GCM2: variants seen among roughly 807,000 people sequenced by gnomAD.
The protein encoded by GCM2 is chorion-specific transcription factor GCMb.
GCM2 carries 21 observed loss-of-function variants against 24.8 expected under a neutral mutation model. The observed-to-expected ratio is 0.85, with a 90% CI of 0.60 to 1.22. GCM2 has a LOEUF of 1.22. Among genes scored for constraint, GCM2 ranks in the 50% most tolerant of loss-of-function variants. GCM2 has a pLI of 0.00. For missense variants in GCM2, 532 were observed against 645.6 expected (o/e 0.82, Z 1.91); for synonymous variants, 222 against 238.0 (o/e 0.93, Z 0.62).
intron 1 of GCM2, among the ~76,000 whole-genome samples, chr6:10,880,652 C>T (rs1450995561): frequency 1.3e-5 from 2 of 152,190 alleles, no homozygotes; most frequent in African/African-American, 2.4e-5. Flanking sequence ...CTTCATCCAC[C>T]CCAGTCATTC....
chr6:10,876,697 AGGC>A (rs1779885462), intron 2 of GCM2, 140 bp from the exon 3 acceptor site: 1 of 690,448 alleles, frequency 1.4e-6, no homozygotes. Flanking sequence ...TGGGAGGCCG[AGGC>A]GGGTGGATCA....
In GCM2 at chr6:10,876,447, G is replaced by T; in HGVS notation, c.454C>A (p.Gln152Lys). 6.2e-7 allele frequency: 1 copy of T among 1,602,052 alleles called. No individual in the cohort carries two copies. The highest frequency in any genetic ancestry group is 8.6e-7 in the Non-Finnish European group (1 of 1,168,976). Residue 152 changes from glutamine (Q) to lysine (K), a missense_variant and splice_region_variant, in exon 3 of 5, where the codon CAG becomes AAG. Transcript: ENST00000379491. The part of the protein sequence containing the change: ...WRLDGNAIFF[Q>K]AKGVHDHPRP... ...AATTGTGTTCTCACCTGACCTACCT[G>T]AAAAAAGATCGCGTTGCCATCAAGC...
chr6:10,881,945 T>C lies in GCM2; in HGVS notation c.-152A>G. On this transcript the variant is annotated 5_prime_UTR_variant, in exon 1 of 5. Transcript: ENST00000379491. ...GAGAGAGAGAAAGAGAGAGAGGCTGTTTAGATATCTGGAAGCTGGGGACAA... is the reference window on the plus strand; with the variant it reads ...GAGAGAGAGAAAGAGAGAGAGGCTGCTTAGATATCTGGAAGCTGGGGACAA... 1 of 693,740 alleles carries C rather than the reference T, an allele frequency of 1.4e-6. No homozygotes were observed. The highest frequency in any genetic ancestry group is 1.6e-5 in the South Asian group (1 of 63,330). 43.0% of individuals were successfully genotyped at this position (693,740 alleles called of 1,614,324 possible). A position where few individuals can be genotyped will look rare whatever the true frequency, so the allele number is the denominator to read the frequency against.
chr6:10,875,647 T>C (rs1263157826), intron 4 of GCM2, among the ~76,000 whole-genome samples: 3 of 152,228 alleles, frequency 2.0e-5, no homozygotes, highest in African/African-American at 7.2e-5. Flanking sequence ...GGATGTCAGC[T>C]CAGCACACTG....
chr6:10,878,816 A>G (rs1169401684), intron 1 of GCM2, among the ~76,000 whole-genome samples: 1 of 152,340 alleles, frequency 6.6e-6, no homozygotes, highest in Non-Finnish European at 1.5e-5. Flanking sequence ...AACCTTTCAC[A>G]GTGGCATAGC....
intron 1 of GCM2, among the ~76,000 whole-genome samples, chr6:10,877,973 G>T (rs1417896799): frequency 6.6e-6 from 1 of 152,192 alleles, no homozygotes; most frequent in Non-Finnish European, 1.5e-5. Flanking sequence ...AGTCACATTA[G>T]CAGTGGCACC....
intron 3 of GCM2, 65 bp from the exon 4 acceptor site, chr6:10,876,081 A>C: frequency 6.5e-7 from 1 of 1,535,398 alleles, no homozygotes; most frequent in Non-Finnish European, 9.0e-7. Context: ...TGTTGCCCAA[A>C]AATTGATCAT....
Position 10,874,805 on chromosome 6 carries a change from C to T in GCM2, c.711G>A (p.Lys237=). 1 of 1,613,280 alleles carries T rather than the reference C, an allele frequency of 6.2e-7. No homozygotes were observed. ...IPGQPCPSFP[K]SDVYKATCDL... ...CACAGGTAGCTTTGTAAACATCAGA[C>T]TTTGGGAAGGAAGGGCAAGGCTGCC... The change falls in exon 5 of 5, where the codon AAG becomes AAA. Residue 237 remains lysine (K), a synonymous_variant. Transcript: ENST00000379491.
At chr6:10,875,594 A>G (rs1345341795) in intron 4 of GCM2, among the ~76,000 whole-genome samples, 1 of 152,210 alleles carries the variant, frequency 6.6e-6, no homozygotes, top group Non-Finnish European at 1.5e-5. Context: ...TGGTAGGCAC[A>G]TATTTCTATC....
intron 2 of GCM2, 54 bp from the exon 3 acceptor site, chr6:10,876,611 G>A (rs2113247994): frequency 8.4e-7 from 1 of 1,193,130 alleles, no homozygotes; most frequent in Non-Finnish European, 1.2e-6. Context: ...CCTTCTGAAG[G>A]AAGAAGGGGA....
rs967916486 is a variant in GCM2 at position 10,874,949 on chromosome 6, A to G, written c.583-16T>C. 33 of 1,541,938 alleles carry G rather than the reference A, an allele frequency of 2.1e-5. No homozygotes were observed. Among genetic ancestry groups the G allele is most frequent in the Middle Eastern group, 3.4e-4 (2 of 5,970 alleles). ...TTTCTTCTGCCTAGAAAAATGATAC[A>G]AACATAGACACACGCTATGTAAATC... On this transcript the variant is annotated splice_polypyrimidine_tract_variant and intron_variant, in intron 4 of 4. Transcript: ENST00000379491.
intron 3 of GCM2, 49 bp from the exon 4 acceptor site, chr6:10,876,065 T>C (rs757554094): frequency 1.9e-6 from 3 of 1,606,344 alleles, no homozygotes; most frequent in South Asian, 2.2e-5. Flanking sequence ...TAAAGGAAGC[T>C]GACAATGTTG....
intron 1 of GCM2, among the ~76,000 whole-genome samples, chr6:10,879,511 G>A (rs1295594164): frequency 1.3e-5 from 2 of 152,132 alleles, no homozygotes; most frequent in Non-Finnish European, 2.9e-5. Context: ...GAACCTGATC[G>A]TAGACCTGGA....
rs1269002430 is a variant in GCM2, at chr6:10,877,121, C to T, written c.343+19G>A. Reference sequence around the variant, plus strand: ...CTCATGACTCCAAGGTCACCCTCTCCCTGGCCCCATGTCCTCACTCTGCTG... The same window carrying T: ...CTCATGACTCCAAGGTCACCCTCTCTCTGGCCCCATGTCCTCACTCTGCTG... On this transcript the variant is annotated intron_variant, in intron 2 of 4. Coordinates refer to ENST00000379491, the MANE Select transcript of GCM2 (RefSeq NM_004752.4). The T allele has an allele frequency of 1.2e-6, 2 of 1,609,106 alleles. No individual in the cohort carries two copies. The highest frequency in any genetic ancestry group is 1.7e-5 in the Admixed American group (1 of 60,022).
rs759712994 is a variant in GCM2 at position 10,874,354 on chromosome 6, T to C, written c.1162A>G (p.Lys388Glu). The C allele has an allele frequency of 8.7e-6, 14 of 1,612,866 alleles. No individual in the cohort carries two copies. The East Asian group carries it at 2.7e-4, about 31-fold the overall frequency. Residue 388 changes from lysine (K) to glutamate (E), a missense_variant, in exon 5 of 5, where the codon AAA (lysine) becomes GAA (glutamate). This residue lies in a region of GCM2 where 434 missense variants were observed against 521.9 expected (regional missense o/e 0.83). Coordinates refer to ENST00000379491, the MANE Select transcript of GCM2 (RefSeq NM_004752.4). ...GGCTGGTAGGCCTGGTAGGACACTT[T>C]AGTGGTGGTGGTGATCACGGTTTGT... Reference protein sequence around the residue: ...ALQTVITTTTKVSYQAYQPPA... With the variant: ...ALQTVITTTTEVSYQAYQPPA...
Position 10,875,902 on chromosome 6 carries a change from G to C in GCM2, c.571C>G (p.Arg191Gly), listed in dbSNP as rs1156994389. Residue 191 changes from arginine (R) to glycine (G), a missense_variant, in exon 4 of 5, where the codon CGA (arginine) becomes GGA (glycine). This residue lies in a region of GCM2 where 434 missense variants were observed against 521.9 expected (regional missense o/e 0.83). Coordinates refer to ENST00000379491, the MANE Select transcript of GCM2 (RefSeq NM_004752.4). ...SFYQPQKKRI[R>G]ESEAEENQDS... ...CAGCTCCCTGTTACCTCGGATTCTC[G>C]AATTCTCTTTTTCTGGGGTTGGTAG... is the stretch of plus-strand genomic sequence containing the variant. 6 of 1,613,948 alleles carry C rather than the reference G, an allele frequency of 3.7e-6. No homozygotes were observed. Among genetic ancestry groups the C allele is most frequent in the Non-Finnish European group, 5.1e-6 (6 of 1,179,926 alleles).
rs1185060049 is a variant in GCM2 at position 10,874,133 on chromosome 6, C to T, written c.1383G>A (p.Val461=). 4 of 1,614,054 alleles carry T rather than the reference C, an allele frequency of 2.5e-6. No homozygotes were observed. Among genetic ancestry groups the T allele is most frequent in the South Asian group, 1.1e-5 (1 of 91,084 alleles). ...AGGAAACTGGCTCGTGGGGAATAGC[C>T]ACAGTGGGTCTGATGGCCCGGCAAT... ...AGDCRAIRPT[V]AIPHEPVSSR... is the part of the protein sequence containing the mutation. The change falls in exon 5 of 5, where the codon GTG becomes GTA. Residue 461 remains valine, a synonymous_variant. Transcript: ENST00000379491.
At chr6:10,881,554 ATGTGTGTGTGTGTGTGTGTGTGTGTG>A (rs35911329) in intron 1 of GCM2, 124 bp downstream of exon 1, 39 of 430,892 alleles carry the variant, frequency 9.1e-5, no homozygotes, top group Middle Eastern at 1.4e-3. Flanking sequence ...TTTTGCGGGT[ATGTGTGTGTGTGTGTGTGTGTGTGTG>A]TGTGTGTGTG....
In GCM2 at chr6:10,881,969, A is replaced by G; in HGVS notation, c.-176T>C. The stretch of plus-strand genomic sequence containing the variant: ...GTTTAGATATCTGGAAGCTGGGGAC[A>G]ATGGTTATGGACCCGGGCGGGGCCT... On this transcript the variant is annotated 5_prime_UTR_variant, in exon 1 of 5. Coordinates refer to ENST00000379491, the MANE Select transcript of GCM2 (RefSeq NM_004752.4). The G allele has an allele frequency of 1.5e-6, 1 of 652,452 alleles. No individual in the cohort carries two copies. The highest frequency in any genetic ancestry group is 2.7e-6 in the Non-Finnish European group (1 of 364,556). 40.4% of individuals were successfully genotyped at this position (652,452 alleles called of 1,614,324 possible).
Sources: gnomAD v4.1 joint callset for allele counts (sites outside exome capture counted in the v4.1 genomes callset) on GRCh38, gnomAD v4.1.1 for gene constraint, gnomAD v4.1.1 regional missense constraint, MANE v1.5 for transcripts, NCBI Gene and HGNC (gene_info 2026-07-23, HGNC 2026-07-21) for gene names.